The following NRXN3 variants were observed in gnomAD, a reference collection of about 807,000 sequenced individuals.
NRXN3 encodes the protein neurexin 3.
Under a neutral mutation model 137.6 loss-of-function variants are expected in NRXN3, and 32 were observed. That is an observed-to-expected ratio of 0.23 (90% confidence interval 0.18 to 0.31). NRXN3 has a LOEUF of 0.31. NRXN3 is among the 10% of genes least tolerant of loss of function. NRXN3 has a pLI of 1.00. For synonymous variants in NRXN3, 798 were observed against 784.5 expected (o/e 1.02, Z -0.29); for missense variants, 1,574 against 2,062.5 (o/e 0.76, Z 4.59).
intron 19 of NRXN3, among the ~76,000 whole-genome samples, chr14:79,774,008 G>A (rs1418063030): frequency 6.6e-6 from 1 of 151,980 alleles, no homozygotes; most frequent in Non-Finnish European, 1.5e-5. Flanking sequence ...TCTTAACTGG[G>A]GAAAATTGGG....
At chr14:79,146,680 C>T (rs905421998) in intron 15 of NRXN3, among the ~76,000 whole-genome samples, 1 of 152,122 alleles carries the variant, frequency 6.6e-6, no homozygotes. Context: ...AAACCAAGGC[C>T]GCAGTCTAAT....
chr14:78,326,859 G>A (rs1236390235), intron 4 of NRXN3, among the ~76,000 whole-genome samples: 1 of 151,530 alleles, frequency 6.6e-6, no homozygotes, highest in East Asian at 1.9e-4. Flanking sequence ...TGAACAGAAT[G>A]GATCTGAATT....
chr14:79,793,819 C>T (rs140437423), intron 19 of NRXN3, among the ~76,000 whole-genome samples: 97 of 152,160 alleles, frequency 6.4e-4, no homozygotes, highest in African/African-American at 2.2e-3. Context: ...GTTTTAAATC[C>T]AGATATAAGA....
Position 79,454,090 on chromosome 14 carries a change from TG to T in NRXN3, c.3263-13130del, listed in dbSNP as rs200657732. ...TCTTTGAAAAATTGATATGGAACTT[TG>T]TTTTTTTTTTTAAGACAGAGTCTCG... On this transcript the variant is annotated intron_variant, in intron 15 of 20. Transcript: ENST00000335750. Among the ~76,000 whole-genome samples the T allele has an allele frequency of 5.3e-3, 807 of 151,062 alleles. 29 individuals are homozygous for T. The East Asian group carries it at 0.095, about 18-fold the overall frequency.
chr14:79,477,131 G>T (rs1219132284), intron 16 of NRXN3, among the ~76,000 whole-genome samples: 7 of 151,362 alleles, frequency 4.6e-5, no homozygotes, highest in African/African-American at 1.5e-4. Context: ...TTTTTTTAAT[G>T]TACATAGATG....
At chr14:79,488,424 G>A (rs1423215442) in intron 16 of NRXN3, among the ~76,000 whole-genome samples, 1 of 152,164 alleles carries the variant, frequency 6.6e-6, no homozygotes, top group Non-Finnish European at 1.5e-5. Flanking sequence ...ACAAGAGTGT[G>A]TGTGTGTTCT....
At chr14:78,480,404 G>A (rs544505068) in intron 4 of NRXN3, among the ~76,000 whole-genome samples, 2 of 152,254 alleles carry the variant, frequency 1.3e-5, no homozygotes, top group African/African-American at 4.8e-5. Flanking sequence ...TTTGTTAAAA[G>A]TTAGATTCCC....
intron 17 of NRXN3, among the ~76,000 whole-genome samples, chr14:79,681,001 A>C (rs1356015481): frequency 6.6e-6 from 1 of 152,174 alleles, no homozygotes; most frequent in East Asian, 1.9e-4. Context: ...CAACACATGC[A>C]TCAACCTTTC....
intron 10 of NRXN3, among the ~76,000 whole-genome samples, chr14:78,873,821 A>G (rs574731833): frequency 4.7e-4 from 71 of 152,234 alleles, no homozygotes; most frequent in African/African-American, 1.6e-3. Context: ...TCTACGTTTT[A>G]ATGAGGTCCC....
At chr14:79,439,863 C>T (rs2095903433) in intron 15 of NRXN3, among the ~76,000 whole-genome samples, 5 of 152,144 alleles carry the variant, frequency 3.3e-5, no homozygotes, top group Admixed American at 3.3e-4. Context: ...CAATAATAAT[C>T]ATTAATTTAT....
At chr14:78,348,343 C>T (rs1329960788) in intron 4 of NRXN3, among the ~76,000 whole-genome samples, 20 of 152,158 alleles carry the variant, frequency 1.3e-4, no homozygotes, top group Non-Finnish European at 1.5e-5. Flanking sequence ...CTGACCCCTC[C>T]ATTTGTTGGC....
intron 16 of NRXN3, among the ~76,000 whole-genome samples, chr14:79,528,244 C>T (rs895490738): frequency 5.3e-5 from 8 of 152,036 alleles, no homozygotes; most frequent in African/African-American, 9.7e-5. Context: ...TACACTCAAG[C>T]GGTTAGCACA....
intron 1 of NRXN3, among the ~76,000 whole-genome samples, chr14:78,172,744 C>A (rs1291583559): frequency 6.6e-6 from 1 of 152,052 alleles, no homozygotes; most frequent in Admixed American, 6.6e-5. Flanking sequence ...TGTGCGAATG[C>A]CCTTTTCTGG....
At chr14:79,716,808 C>T (rs1322724198) in intron 19 of NRXN3, among the ~76,000 whole-genome samples, 1 of 152,112 alleles carries the variant, frequency 6.6e-6, no homozygotes, top group Non-Finnish European at 1.5e-5. Flanking sequence ...TTCATGCCTA[C>T]GCTGGAGATT....
chr14:79,809,307 T>G (rs1185707649), intron 20 of NRXN3, among the ~76,000 whole-genome samples: 1 of 152,218 alleles, frequency 6.6e-6, no homozygotes, highest in East Asian at 1.9e-4. Flanking sequence ...ACTGGCTAAC[T>G]TTTGTATTTT....
intron 16 of NRXN3, among the ~76,000 whole-genome samples, chr14:79,620,357 T>C (rs1270468514): frequency 6.6e-6 from 1 of 152,126 alleles, no homozygotes; most frequent in Non-Finnish European, 1.5e-5. Flanking sequence ...GTCTTCCTGG[T>C]GATGTGAAAC....
At chr14:79,596,065 C>A (rs1167652402) in intron 16 of NRXN3, among the ~76,000 whole-genome samples, 1 of 144,220 alleles carries the variant, frequency 6.9e-6, no homozygotes, top group Admixed American at 6.9e-5. Flanking sequence ...TTTTTTTGGT[C>A]TTTTATGACA....
At chr14:79,234,324 A>T (rs1429311140) in intron 15 of NRXN3, among the ~76,000 whole-genome samples, 1 of 114,670 alleles carries the variant, frequency 8.7e-6, no homozygotes, top group African/African-American at 3.7e-5. Flanking sequence ...ATATATATAT[A>T]TATATATATA....
At chr14:79,392,123 C>G (rs2094867440) in intron 15 of NRXN3, among the ~76,000 whole-genome samples, 1 of 152,116 alleles carries the variant, frequency 6.6e-6, no homozygotes, top group South Asian at 2.1e-4. Flanking sequence ...AGGAATTTCT[C>G]CTAATGCTCT....
Sources: allele counts gnomAD v4.1 joint callset (sites outside exome capture counted in the v4.1 genomes callset), GRCh38; gene constraint gnomAD v4.1.1; transcripts MANE v1.5; gene names NCBI Gene and HGNC (gene_info 2026-07-23, HGNC 2026-07-21).